Variants in TENM4 observed in about 807,000 individuals in gnomAD.
The protein encoded by TENM4 is teneurin-4.
A neutral mutation model predicts 243.3 loss-of-function variants in TENM4; 82 were observed. The observed-to-expected ratio is 0.34, with a 90% confidence interval of 0.28 to 0.40. The LOEUF (loss-of-function observed/expected upper bound fraction) is 0.40. Among genes scored for constraint, TENM4 ranks in the 10% least tolerant of loss-of-function variants. The pLI is 1.00. For synonymous variants in TENM4, 1,412 were observed against 1,456.3 expected (o/e 0.97, Z 0.69); for missense variants, 3,138 against 3,673.3 (o/e 0.85, Z 3.77).
intron 6 of TENM4, among the ~76,000 whole-genome samples, chr11:79,020,624 A>G (rs1269702023): frequency 6.6e-6 from 1 of 151,764 alleles, no homozygotes; most frequent in African/African-American, 2.4e-5. Flanking sequence ...TCCTGGCATT[A>G]AAAAAAACAT....
At chr11:78,752,499 C>T (rs972455342) in intron 19 of TENM4, among the ~76,000 whole-genome samples, 43 of 152,228 alleles carry the variant, frequency 2.8e-4, no homozygotes, top group Non-Finnish European at 5.7e-4. Context: ...GCCTGCCTTT[C>T]CTTGCTGGTC....
intron 26 of TENM4, among the ~76,000 whole-genome samples, chr11:78,709,356 A>G (rs1180534071): frequency 6.6e-6 from 1 of 152,114 alleles, no homozygotes; most frequent in Non-Finnish European, 1.5e-5. Context: ...ATTTGTGTAG[A>G]GAATATTGTT....
intron 2 of TENM4, among the ~76,000 whole-genome samples, chr11:79,249,522 T>C (rs1455138602): frequency 6.6e-6 from 1 of 152,188 alleles, no homozygotes; most frequent in Non-Finnish European, 1.5e-5. Context: ...TTCAAATTCA[T>C]TTACCCACCA....
chr11:78,890,687 G>A (rs1318407730), intron 8 of TENM4, among the ~76,000 whole-genome samples: 3 of 152,158 alleles, frequency 2.0e-5, no homozygotes, highest in African/African-American at 4.8e-5. Flanking sequence ...CTGTGTCGGG[G>A]GACAGACAGG....
chr11:78,814,308 G>A lies in TENM4; in HGVS notation c.1769C>T (p.Pro590Leu). 1 of 1,550,118 alleles carries A rather than the reference G, an allele frequency of 6.5e-7. No individual in the cohort carries two copies. The highest frequency in any genetic ancestry group is 8.7e-7 in the Non-Finnish European group (1 of 1,146,256). Residue 590 changes from proline to leucine, a missense_variant, in exon 13 of 34, where the codon CCC becomes CTC. By Grantham distance (98) the Pro-to-Leu change is moderately conservative. Transcript: ENST00000278550. ...TCHCFLGFLG[P>L]DCGRASCPVL... is the part of the protein sequence containing the mutation. ...AGAGTTCTCACCTCTGCCACAGTCG[G>A]GGCCCAGGAAACCCAGGAAGCAGTG... is the stretch of plus-strand genomic sequence containing the variant.
At chr11:79,348,163 A>G (rs1239513832) in intron 1 of TENM4, among the ~76,000 whole-genome samples, 2 of 152,170 alleles carry the variant, frequency 1.3e-5, no homozygotes, top group Non-Finnish European at 2.9e-5. Flanking sequence ...TTTGTGCCCA[A>G]CCATAGTCAT....
At chr11:79,360,860 G>T (rs1857577032) in intron 1 of TENM4, among the ~76,000 whole-genome samples, 1 of 152,134 alleles carries the variant, frequency 6.6e-6, no homozygotes, top group African/African-American at 2.4e-5. Context: ...AACCCATCAT[G>T]TCTCAGAATG....
intron 6 of TENM4, among the ~76,000 whole-genome samples, chr11:79,050,571 A>G (rs1347822009): frequency 6.6e-6 from 1 of 152,194 alleles, no homozygotes; most frequent in Non-Finnish European, 1.5e-5. Flanking sequence ...CATCTTTACA[A>G]GCAGCTGGAA....
intron 19 of TENM4, among the ~76,000 whole-genome samples, chr11:78,748,426 C>A (rs898494246): frequency 1.3e-5 from 2 of 152,284 alleles, no homozygotes; most frequent in East Asian, 3.9e-4. Context: ...CAGCATGAAG[C>A]CTTACTGCAC....
At chr11:79,363,321 G>A (rs1418394482) in intron 1 of TENM4, among the ~76,000 whole-genome samples, 1 of 152,168 alleles carries the variant, frequency 6.6e-6, no homozygotes, top group Non-Finnish European at 1.5e-5. Flanking sequence ...ATTCCTACAG[G>A]CATTTAAGTT....
At chr11:79,185,766 T>C (rs1460690883) in intron 3 of TENM4, among the ~76,000 whole-genome samples, 3 of 152,200 alleles carry the variant, frequency 2.0e-5, no homozygotes, top group Admixed American at 1.3e-4. Context: ...AAAAGTACAT[T>C]GGCCTAGGAA....
At chr11:78,983,470 C>T (rs10793350) in intron 6 of TENM4, among the ~76,000 whole-genome samples, 64,929 of 152,172 alleles carry the variant, frequency 0.43, 15,386 homozygotes, top group East Asian at 0.76. Flanking sequence ...GTCATCCATT[C>T]GACGACACAT....
At chr11:79,313,760 C>T (rs953194580) in intron 1 of TENM4, among the ~76,000 whole-genome samples, 7 of 152,164 alleles carry the variant, frequency 4.6e-5, no homozygotes, top group Admixed American at 1.3e-4. Context: ...CTTCTGTTTC[C>T]CTCCGCAAGC....
At chr11:79,350,070 C>T (rs1243728062) in intron 1 of TENM4, among the ~76,000 whole-genome samples, 1 of 152,186 alleles carries the variant, frequency 6.6e-6, no homozygotes, top group African/African-American at 2.4e-5. Context: ...ATAAAGCAGA[C>T]ATAGTCCCTG....
intron 19 of TENM4, among the ~76,000 whole-genome samples, chr11:78,739,525 C>T (rs1470571491): frequency 6.6e-6 from 1 of 152,066 alleles, no homozygotes; most frequent in African/African-American, 2.4e-5. Context: ...TTTCTTTCTC[C>T]TCACAGTGCC....
At chr11:79,090,173 A>G (rs937117226) in intron 4 of TENM4, among the ~76,000 whole-genome samples, 7 of 152,226 alleles carry the variant, frequency 4.6e-5, no homozygotes, top group East Asian at 1.9e-4. Context: ...CTGATGCCCA[A>G]TGTCCCTTCC....
At chr11:78,927,388 C>G (rs538052795) in intron 6 of TENM4, among the ~76,000 whole-genome samples, 49 of 152,338 alleles carry the variant, frequency 3.2e-4, no homozygotes, top group Non-Finnish European at 5.7e-4. Flanking sequence ...TCCACCTCTT[C>G]TCTCATTTTT....
intron 32 of TENM4, among the ~76,000 whole-genome samples, chr11:78,663,550 A>G (rs1590921432): frequency 6.6e-6 from 1 of 151,892 alleles, no homozygotes; most frequent in African/African-American, 2.4e-5. Context: ...CTCTCTTGCT[A>G]CCTCTCTTGC....
At chr11:78,704,537 A>G (rs1038311938) in intron 27 of TENM4, among the ~76,000 whole-genome samples, 2 of 152,168 alleles carry the variant, frequency 1.3e-5, no homozygotes, top group Non-Finnish European at 2.9e-5. Context: ...GATGTTATAG[A>G]TGGATATTTA....
Sources: allele counts gnomAD v4.1 joint callset (sites outside exome capture counted in the v4.1 genomes callset), GRCh38; gene constraint gnomAD v4.1.1; transcripts MANE v1.5; gene names NCBI Gene and HGNC (gene_info 2026-07-23, HGNC 2026-07-21).